AUTS2: variants seen among roughly 807,000 people sequenced by gnomAD.
AUTS2 encodes the protein activator of transcription and developmental regulator AUTS2.
A neutral mutation model predicts 112.4 loss-of-function variants in AUTS2; 17 were observed. That is an observed-to-expected ratio of 0.15 (90% CI 0.10 to 0.23). The LOEUF (loss-of-function observed/expected upper bound fraction) is 0.23. Among genes scored for constraint, AUTS2 ranks in the 10% least tolerant of loss-of-function variants. The pLI, the probability that AUTS2 is intolerant of heterozygous loss-of-function variation, is 1.00. For missense variants in AUTS2, 1,510 were observed against 1,701.6 expected, an observed-to-expected ratio of 0.89 and a Z score of 1.98; for synonymous variants, 751 against 702.7, an observed-to-expected ratio of 1.07 and a Z score of -1.09.
intron 4 of AUTS2, among the ~76,000 whole-genome samples, chr7:70,141,386 T>C (rs753417591): frequency 6.6e-6 from 1 of 152,034 alleles, no homozygotes; most frequent in South Asian, 2.1e-4. Context: ...AAGAGGAGAT[T>C]TGAATGTAGG....
chr7:69,830,070 A>T (rs1164615300), intron 1 of AUTS2, among the ~76,000 whole-genome samples: 1 of 152,162 alleles, frequency 6.6e-6, no homozygotes, highest in African/African-American at 2.4e-5. Flanking sequence ...AAGGAATGAG[A>T]TTATGTCCTT....
chr7:70,271,055 C>A (rs781567443), intron 4 of AUTS2, among the ~76,000 whole-genome samples: 24 of 152,010 alleles, frequency 1.6e-4, no homozygotes, highest in Non-Finnish European at 3.4e-4. Flanking sequence ...GGTTCCACCC[C>A]GGAGTTCAGG....
intron 1 of AUTS2, among the ~76,000 whole-genome samples, chr7:69,870,455 A>ATATATATATATATAT (rs1793438397): frequency 7.2e-6 from 1 of 138,188 alleles, no homozygotes; most frequent in South Asian, 2.4e-4. Context: ...TGTAATATAT[A>ATATATATATATATAT]TATATATATA....
At position 69,876,345 on chromosome 7, in the gene AUTS2, AAAAAATATAT is replaced by A. The variant is rs1411748191; in HGVS notation, c.310-22939_310-22930del. Among the ~76,000 whole-genome samples, 34 of 66,076 alleles carry A rather than the reference AAAAAATATAT, an allele frequency of 5.1e-4. 1 individual carries two copies. Among genetic ancestry groups the A allele is most frequent in the Admixed American group, 5.4e-4 (3 of 5,598 alleles). 43.3% of individuals were successfully genotyped at this position (66,076 alleles called of 152,430 possible). Reference sequence around the variant, plus strand: ...TGTCTCAAAAAAAAAAAAAAAAAAAAAAAAATATATATATATATATATATATATATATATA... The same window carrying A: ...TGTCTCAAAAAAAAAAAAAAAAAAAAATATATATATATATATATATATATA... On this transcript the variant is annotated intron_variant, in intron 1 of 18. Coordinates refer to ENST00000342771, the MANE Select transcript of AUTS2 (RefSeq NM_015570.4).
intron 2 of AUTS2, among the ~76,000 whole-genome samples, chr7:69,974,800 T>C (rs1186558006): frequency 1.3e-5 from 2 of 152,224 alleles, no homozygotes; most frequent in African/African-American, 4.8e-5. Context: ...ACCAGCTCTT[T>C]AAGTTGACAC....
In AUTS2 at chr7:70,055,949, G is replaced by A. The variant is rs548491873; in HGVS notation, c.523-62183G>A. On this transcript the variant is annotated intron_variant, in intron 2 of 18. Coordinates refer to ENST00000342771, the MANE Select transcript of AUTS2 (RefSeq NM_015570.4). ...TCCACCCACCTCAGCCTGCCAAACT[G>A]CTGAGATTATAGGCGTGAGCCACCA... is the stretch of plus-strand genomic sequence containing the variant. Among the ~76,000 whole-genome samples the A allele has an allele frequency of 1.3e-3, 196 of 152,114 alleles. 1 individual carries two copies. Among genetic ancestry groups the A allele is most frequent in the African/African-American group, 4.6e-3 (192 of 41,492 alleles).
At chr7:69,621,444 C>T (rs1793659511) in intron 1 of AUTS2, among the ~76,000 whole-genome samples, 1 of 144,994 alleles carries the variant, frequency 6.9e-6, no homozygotes, top group Non-Finnish European at 1.5e-5. Context: ...ATATCTTAAG[C>T]TTGCACCTTA....
chr7:69,894,789 A>G (rs1794677214), intron 1 of AUTS2, among the ~76,000 whole-genome samples: 2 of 152,168 alleles, frequency 1.3e-5, no homozygotes, highest in Non-Finnish European at 2.9e-5. Flanking sequence ...CCTAAATAGC[A>G]TGTTTTGGGG....
rs574617656 is a variant in AUTS2, at chr7:70,322,830, G to C, written c.661-112922G>C. ...GATACCAATTCATTCGTGGGAGATA[G>C]TACAGGGGCAGGTAATGCTGAATCC... On this transcript the variant is annotated intron_variant, in intron 4 of 18. Coordinates refer to ENST00000342771, the MANE Select transcript of AUTS2 (RefSeq NM_015570.4). 7.9e-5 allele frequency among the ~76,000 whole-genome samples: 12 copies of C among 152,288 alleles called. No homozygotes were observed. In the South Asian group the frequency reaches 2.5e-3, roughly 32 times the overall value.
At chr7:70,509,001 C>G (rs1188284888) in intron 5 of AUTS2, among the ~76,000 whole-genome samples, 1 of 152,180 alleles carries the variant, frequency 6.6e-6, no homozygotes, top group South Asian at 2.1e-4. Context: ...TGGTTGCATA[C>G]TTTTCTCCTT....
At chr7:69,629,854 T>C (rs1794145307) in intron 1 of AUTS2, among the ~76,000 whole-genome samples, 1 of 151,982 alleles carries the variant, frequency 6.6e-6, no homozygotes, top group Admixed American at 6.6e-5. Context: ...CTCAGTGAGC[T>C]GTAGAAAATG....
At chr7:70,040,870 G>C (rs148378003) in intron 2 of AUTS2, among the ~76,000 whole-genome samples, 11 of 152,348 alleles carry the variant, frequency 7.2e-5, no homozygotes, top group African/African-American at 2.6e-4. Context: ...GTGTCTGGAA[G>C]TGGAGATACA....
At chr7:69,697,758 C>T (rs1008436387) in intron 1 of AUTS2, among the ~76,000 whole-genome samples, 1 of 152,186 alleles carries the variant, frequency 6.6e-6, no homozygotes, top group Non-Finnish European at 1.5e-5. Flanking sequence ...CAATTTCAGA[C>T]ACTGTCCACT....
At chr7:69,873,749 C>A (rs1793606120) in intron 1 of AUTS2, among the ~76,000 whole-genome samples, 1 of 152,164 alleles carries the variant, frequency 6.6e-6, no homozygotes, top group African/African-American at 2.4e-5. Context: ...GAATACCATG[C>A]CCAACTTCTC....
intron 1 of AUTS2, among the ~76,000 whole-genome samples, chr7:69,858,145 A>G (rs1458267294): frequency 1.3e-5 from 2 of 152,232 alleles, no homozygotes; most frequent in African/African-American, 2.4e-5. Flanking sequence ...TGGCTAGATC[A>G]GTGACAATTT....
At chr7:70,461,974 G>A (rs765571524) in intron 5 of AUTS2, among the ~76,000 whole-genome samples, 21 of 152,210 alleles carry the variant, frequency 1.4e-4, no homozygotes, top group Non-Finnish European at 2.1e-4. Context: ...GAAAGGGGCC[G>A]TGTGCGCTGG....
chr7:70,093,408 G>A (rs557330966), intron 2 of AUTS2, among the ~76,000 whole-genome samples: 2 of 152,144 alleles, frequency 1.3e-5, no homozygotes, highest in African/African-American at 4.8e-5. Flanking sequence ...TAATACCCAT[G>A]GGCCTAGGCA....
intron 5 of AUTS2, among the ~76,000 whole-genome samples, chr7:70,444,543 C>T (rs976775174): frequency 3.3e-5 from 5 of 152,078 alleles, no homozygotes; most frequent in African/African-American, 1.2e-4. Context: ...TTTAAGAAGT[C>T]CCCAGATTCA....
intron 6 of AUTS2, among the ~76,000 whole-genome samples, chr7:70,757,807 CTTTTTTTTTT>C (rs3974412): frequency 5.9e-4 from 36 of 60,526 alleles, no homozygotes; most frequent in Non-Finnish European, 8.0e-4. Flanking sequence ...TCCATGGCTT[CTTTTTTTTTT>C]TTTTTTTTTT....
Sources: allele counts gnomAD v4.1 joint callset (sites outside exome capture counted in the v4.1 genomes callset), GRCh38; gene constraint gnomAD v4.1.1; transcripts MANE v1.5; gene names NCBI Gene and HGNC (gene_info 2026-07-23, HGNC 2026-07-21).